Variants in CRB2 observed in about 807,000 individuals in gnomAD.
The protein encoded by CRB2 is protein crumbs homolog 2.
Under a neutral mutation model 110.9 loss-of-function variants are expected in CRB2, and 85 were observed. The observed-to-expected ratio is 0.77, with a 90% confidence interval of 0.64 to 0.92. CRB2 has a LOEUF of 0.92. Among genes scored for constraint, CRB2 ranks in the 40% least tolerant of loss-of-function variants. CRB2 has a pLI of 0.00. For missense variants in CRB2, 1,843 were observed against 1,851.3 expected (o/e 1.00, Z 0.08); for synonymous variants, 907 against 831.0 (o/e 1.09, Z -1.57).
Position 123,363,013 on chromosome 9 carries a change from G to A in CRB2, c.243G>A (p.Leu81=). 1.2e-6 allele frequency: 2 copies of A among 1,612,618 alleles called. No homozygotes were observed. Among genetic ancestry groups the A allele is most frequent in the Non-Finnish European group, 1.7e-6 (2 of 1,179,920 alleles). The part of the protein sequence containing the change: ...CATQPCHHGA[L]CVPQGPDPTG... ...CCCAGCCATGCCACCACGGCGCTCTGTGTGTGCCCCAGGGTCCAGATCCCA... is the reference window on the plus strand; with the variant it reads ...CCCAGCCATGCCACCACGGCGCTCTATGTGTGCCCCAGGGTCCAGATCCCA... The change falls in exon 2 of 13, where the codon CTG becomes CTA. Residue 81 remains leucine, a synonymous_variant. Transcript: ENST00000373631.
At position 123,376,876 on chromosome 9, in the gene CRB2, G is replaced by C. The variant is rs2042110704; in HGVS notation, c.3672G>C (p.Glu1224Asp). ...TGCCGCTGCCATTCCCACTGCTGGAGGTGGCCGTACCTGCAGCCTGTGCCT... is the reference window on the plus strand; with the variant it reads ...TGCCGCTGCCATTCCCACTGCTGGACGTGGCCGTACCTGCAGCCTGTGCCT... ...LPLPLPFPLL[E>D]VAVPAACACL... The change falls in exon 13 of 13, where the codon GAG (glutamate) becomes GAC (aspartate). Residue 1224 changes from glutamate (E) to aspartate (D), a missense_variant. Coordinates refer to ENST00000373631, the MANE Select transcript of CRB2 (RefSeq NM_173689.7). 6.2e-7 allele frequency: 1 copy of C among 1,609,920 alleles called. No individual in the cohort carries two copies. The highest frequency in any genetic ancestry group is 8.5e-7 in the Non-Finnish European group (1 of 1,179,436).
downstream of CRB2, chr9:123,379,695 ATC>A (rs2042179656): frequency 6.6e-6 from 1 of 152,272 alleles, no homozygotes; most frequent in South Asian, 2.1e-4. Flanking sequence ...CACAAAGTTC[ATC>A]CTTGGGTTTG....
intron 1 of CRB2, 32 bp from the exon 2 acceptor site, chr9:123,362,833 C>T (rs1409552962): frequency 3.2e-6 from 5 of 1,541,134 alleles, no homozygotes; most frequent in Non-Finnish European, 4.4e-6. Flanking sequence ...AACCTCTGCC[C>T]ACCCTGCCCA....
At chr9:123,357,740 CGCACACCTGTGTGGCATGCCCAAGG>C (rs1564367142) in intron 1 of CRB2, among the ~76,000 whole-genome samples, 1 of 152,222 alleles carries the variant, frequency 6.6e-6, no homozygotes, top group Non-Finnish European at 1.5e-5. Context: ...ACCCACACTC[CGCACACCTGTGTGGCATGCCCAAGG>C]GCACACAGCA....
chr9:123,356,383 C>G, intron 1 of CRB2, 29 bp downstream of exon 1: 3 of 1,497,772 alleles, frequency 2.0e-6, no homozygotes, highest in Non-Finnish European at 2.7e-6. Flanking sequence ...CTGGAGGGGC[C>G]TGGGAGAGGG....
At chr9:123,367,461 C>T in intron 5 of CRB2, 104 bp downstream of exon 5, 1 of 1,076,702 alleles carries the variant, frequency 9.3e-7, no homozygotes, top group Non-Finnish European at 1.3e-6. Context: ...ACACCCCACA[C>T]CCGAGTCTGC....
rs757241264 is a variant in CRB2 at position 123,375,300 on chromosome 9, G to A, written c.3590G>A (p.Cys1197Tyr). 1.6e-5 allele frequency: 26 copies of A among 1,610,944 alleles called. No individual in the cohort carries two copies. Among genetic ancestry groups the A allele is most frequent in the Non-Finnish European group, 2.2e-5 (26 of 1,178,486 alleles). Residue 1197 changes from cysteine (C) to tyrosine (Y), a missense_variant, in exon 12 of 13, where the codon TGT (cysteine) becomes TAT (tyrosine). Transcript: ENST00000373631. The stretch of plus-strand genomic sequence containing the variant: ...CGGGCAGCTGGAGGGGTGTCTGAAT[G>A]TATCTGCAATGCCAGATTCTCCGGC... Reference protein sequence around the residue: ...TCRAAGGVSECICNARFSGQF... With the variant: ...TCRAAGGVSEYICNARFSGQF...
At chr9:123,365,752 G>C (rs903747741) in intron 2 of CRB2, among the ~76,000 whole-genome samples, 165 bp from the exon 3 acceptor site, 1 of 152,104 alleles carries the variant, frequency 6.6e-6, no homozygotes, top group Non-Finnish European at 1.5e-5. Context: ...CTCTCCCTGC[G>C]GTTGCTGGCA....
chr9:123,369,291 C>T (rs901637180), intron 6 of CRB2, among the ~76,000 whole-genome samples: 1 of 152,204 alleles, frequency 6.6e-6, no homozygotes, highest in African/African-American at 2.4e-5. Context: ...CTCCTCCATG[C>T]CATCACTCTG....
rs2042138898 is a variant in CRB2 at position 123,378,417 on chromosome 9, C to A, written c.*1355C>A. On this transcript the variant is annotated 3_prime_UTR_variant, in exon 13 of 13. Coordinates refer to ENST00000373631, the MANE Select transcript of CRB2 (RefSeq NM_173689.7). ...CCGTTTACACTTTTGGGTCGACAGTCAGCTTTTCCTTTTGGTTTTGGCGGG... is the reference window on the plus strand; with the variant it reads ...CCGTTTACACTTTTGGGTCGACAGTAAGCTTTTCCTTTTGGTTTTGGCGGG... The A allele has an allele frequency of 6.6e-6, 1 of 152,332 alleles. No homozygotes were observed. Among genetic ancestry groups the A allele is most frequent in the Non-Finnish European group, 1.5e-5 (1 of 68,086 alleles). The allele number at this position is 152,332 out of a possible 1,614,324, so 9.4% of individuals were successfully genotyped here.
rs750757627 is a variant in CRB2 at position 123,374,672 on chromosome 9, C to A, written c.3483C>A (p.Cys1161Ter). The A allele has an allele frequency of 6.2e-7, 1 of 1,611,308 alleles. No individual in the cohort carries two copies. Among genetic ancestry groups the A allele is most frequent in the Admixed American group, 1.7e-5 (1 of 60,012 alleles). The change falls in exon 11 of 13, where the codon TGC becomes TGA. Residue 1161 changes from cysteine to a stop codon, truncating the protein, a stop_gained. Transcript: ENST00000373631. LOFTEE classifies it high-confidence loss of function. The part of the protein sequence containing the change: ...EGGSPAANCS[C>*]LEGLAGQRCQ... ...GCTCTCCCGCTGCCAACTGCAGCTG[C>A]CTGGAGGGTCTTGCTGGCCAGAGGT...
At chr9:123,362,188 C>A (rs544886537) in intron 1 of CRB2, among the ~76,000 whole-genome samples, 72 of 152,262 alleles carry the variant, frequency 4.7e-4, no homozygotes, top group African/African-American at 1.4e-3. Context: ...AGGAATGAGA[C>A]CAGCGGAGCA....
intron 5 of CRB2, 81 bp downstream of exon 5, chr9:123,367,438 ACCCCCC>A (rs2041952192): frequency 1.1e-4 from 82 of 753,888 alleles, no homozygotes; most frequent in African/African-American, 5.5e-4. Context: ...CACCCCCCCC[ACCCCCC>A]CACCCCACAC....
At chr9:123,366,160 CG>C in intron 3 of CRB2, 48 bp downstream of exon 3, 1 of 1,377,394 alleles carries the variant, frequency 7.3e-7, no homozygotes, top group Non-Finnish European at 9.3e-7. Context: ...TGCCCGAGGG[CG>C]GGGAGGCCAG....
rs1177183991 is a variant in CRB2 at position 123,372,407 on chromosome 9, C to G, written c.2602+65C>G. On this transcript the variant is annotated intron_variant, in intron 9 of 12. Transcript: ENST00000373631. ...GACACCTAAGCTGGTTAGATCCCAT[C>G]TGCACTCTCAGGGCTTGTAGGATAC... 6 of 1,523,958 alleles carry G rather than the reference C, an allele frequency of 3.9e-6. No homozygotes were observed. The South Asian group carries it at 5.2e-5, about 13-fold the overall frequency. 94.4% of individuals were successfully genotyped at this position (1,523,958 alleles called of 1,614,324 possible).
intron 10 of CRB2, 85 bp from the exon 11 acceptor site, chr9:123,374,494 A>C (rs1403219582): frequency 3.6e-5 from 33 of 919,110 alleles, no homozygotes; most frequent in Admixed American, 2.3e-4. Context: ...ATGAGAACAC[A>C]AGCTCAGGTG....
rs1228978378 is a variant in CRB2, at chr9:123,373,172, G to A, written c.2641G>A (p.Ala881Thr). The A allele has an allele frequency of 7.3e-6, 11 of 1,514,408 alleles. No homozygotes were observed. The highest frequency in any genetic ancestry group is 9.7e-6 in the Non-Finnish European group (11 of 1,137,294). 93.8% of individuals were successfully genotyped at this position (1,514,408 alleles called of 1,614,324 possible). A position where few individuals can be genotyped will look rare whatever the true frequency, so the allele number is the denominator to read the frequency against. The change falls in exon 10 of 13, where the codon GCG (alanine) becomes ACG (threonine). Residue 881 changes from alanine (A) to threonine (T), a missense_variant. Physicochemically the swap from Ala to Thr is moderately conservative, Grantham distance 58. Coordinates refer to ENST00000373631, the MANE Select transcript of CRB2 (RefSeq NM_173689.7). ...EATFREGPPA[A>T]FSGHNASSGR... ...CACGTTCCGCGAGGGTCCCCCCGCC[G>A]CGTTCAGCGGGCACAACGCGTCGTC...
At chr9:123,372,493 C>T (rs2042031496) in intron 9 of CRB2, 151 bp downstream of exon 9, 1 of 998,564 alleles carries the variant, frequency 1.0e-6, no homozygotes, top group East Asian at 2.7e-5. Flanking sequence ...TGTAGAGGGA[C>T]AGAGTTTCTG....
At chr9:123,378,990 T>G (rs2042157128), downstream of CRB2, among the ~76,000 whole-genome samples, 1 of 151,640 alleles carries the variant, frequency 6.6e-6, no homozygotes, top group Admixed American at 6.6e-5. Flanking sequence ...GGCTTCACCA[T>G]CTTGGCCAGG....
Sources: allele counts gnomAD v4.1 joint callset (sites outside exome capture counted in the v4.1 genomes callset), GRCh38; gene constraint gnomAD v4.1.1; transcripts MANE v1.5; gene names NCBI Gene and HGNC (gene_info 2026-07-23, HGNC 2026-07-21).